CHN2: variants seen among roughly 807,000 people sequenced by gnomAD.
CHN2 encodes the protein beta-chimaerin.
Under a neutral mutation model 56.3 loss-of-function variants are expected in CHN2, and 35 were observed. The ratio of observed to expected loss-of-function variants is 0.62; its 90% CI spans 0.47 to 0.82. The LOEUF (loss-of-function observed/expected upper bound fraction) is 0.82, where lower values mean the gene tolerates loss of function less well. CHN2 is among the 40% of genes least tolerant of loss of function. CHN2 has a pLI of 0.00. For missense variants in CHN2, 491 were observed against 580.5 expected, an observed-to-expected ratio of 0.85 and a Z score of 1.58; for synonymous variants, 210 against 212.8, an observed-to-expected ratio of 0.99 and a Z score of 0.12.
At chr7:29,496,124 T>C in intron 8 of CHN2, 88 bp downstream of exon 8, 1 of 1,057,824 alleles carries the variant, frequency 9.5e-7, no homozygotes. Flanking sequence ...GGAAATGTGC[T>C]CAGATTAGCT....
At chr7:29,417,325 C>T (rs1279440513) in intron 6 of CHN2, among the ~76,000 whole-genome samples, 3 of 139,530 alleles carry the variant, frequency 2.2e-5, no homozygotes, top group Admixed American at 7.6e-5. Context: ...CATTTTTTTA[C>T]TGTAACCCTT....
chr7:29,266,486 A>G (rs7788882), intron 1 of CHN2, among the ~76,000 whole-genome samples: 8,081 of 152,214 alleles, frequency 0.053, 717 homozygotes, highest in African/African-American at 0.18. Flanking sequence ...TGTTATTCTA[A>G]TGTGTCGCAA....
Position 29,337,512 on chromosome 7 carries a change from T to C in CHN2, c.50-17113T>C, listed in dbSNP as rs565385990. 3.3e-5 allele frequency among the ~76,000 whole-genome samples: 5 copies of C among 152,334 alleles called. No individual in the cohort carries two copies. The South Asian group carries it at 6.2e-4, about 19-fold the overall frequency. On this transcript the variant is annotated intron_variant, in intron 1 of 12. Transcript: ENST00000222792. The stretch of plus-strand genomic sequence containing the variant: ...GGGGTCTATTCTTCTCACTCTGTTA[T>C]GTAATGTGAATACTTTCTCTTGCGG...
intron 1 of CHN2, among the ~76,000 whole-genome samples, chr7:29,345,361 GA>G (rs1425797091): frequency 5.3e-5 from 8 of 152,214 alleles, no homozygotes; most frequent in Non-Finnish European, 1.0e-4. Context: ...TTCGGATGGT[GA>G]AAAGGCTCTA....
chr7:29,157,365 T>C (rs183095046), intron 2 of CHN2, among the ~76,000 whole-genome samples: 2 of 152,230 alleles, frequency 1.3e-5, no homozygotes, highest in East Asian at 1.9e-4. Context: ...TTTAGGGCAC[T>C]ACATAGCTTG....
intron 2 of CHN2, among the ~76,000 whole-genome samples, chr7:29,357,829 A>G (rs1798421395): frequency 6.6e-6 from 1 of 152,226 alleles, no homozygotes; most frequent in Admixed American, 6.5e-5. Flanking sequence ...AGCTATCAGA[A>G]TATTGAATTT....
chr7:29,408,189 C>A (rs1264043712), intron 6 of CHN2, among the ~76,000 whole-genome samples: 5 of 144,034 alleles, frequency 3.5e-5, no homozygotes, highest in Admixed American at 6.9e-5. Context: ...GACTCAGTAT[C>A]AAAAAAAAAA....
At chr7:29,269,240 A>G (rs879111883) in intron 1 of CHN2, among the ~76,000 whole-genome samples, 3 of 151,462 alleles carry the variant, frequency 2.0e-5, no homozygotes, top group Admixed American at 6.6e-5. Flanking sequence ...CCATCATTCT[A>G]CTCTCTATCT....
chr7:29,317,782 A>C (rs989395472), intron 1 of CHN2, among the ~76,000 whole-genome samples: 4 of 152,106 alleles, frequency 2.6e-5, no homozygotes, highest in African/African-American at 9.7e-5. Flanking sequence ...TGAGCTCAGG[A>C]ATTCGAGGCC....
intron 7 of CHN2, among the ~76,000 whole-genome samples, chr7:29,486,219 C>G (rs1187836193): frequency 6.6e-6 from 1 of 152,178 alleles, no homozygotes; most frequent in Admixed American, 6.5e-5. Context: ...ACCCCAGTGT[C>G]TAGAACAAGT....
chr7:29,392,626 TC>T (rs1366996065), intron 3 of CHN2, among the ~76,000 whole-genome samples: 1 of 152,190 alleles, frequency 6.6e-6, no homozygotes. Context: ...GCTCCGCCTT[TC>T]TGAGCCTCTT....
intron 6 of CHN2, among the ~76,000 whole-genome samples, chr7:29,402,012 A>G (rs1395708271): frequency 6.6e-6 from 1 of 151,694 alleles, no homozygotes; most frequent in Non-Finnish European, 1.5e-5. Flanking sequence ...ATAAGCGGAT[A>G]GGAGCTACAG....
chr7:29,512,093 C>G (rs1197659760), intron 12 of CHN2, among the ~76,000 whole-genome samples: 2 of 152,090 alleles, frequency 1.3e-5, no homozygotes, highest in Non-Finnish European at 2.9e-5. Context: ...TAACCTTTCT[C>G]CTCTGGCACC....
chr7:29,315,234 G>A (rs1283936469), intron 1 of CHN2, among the ~76,000 whole-genome samples: 1 of 152,136 alleles, frequency 6.6e-6, no homozygotes, highest in Non-Finnish European at 1.5e-5. Flanking sequence ...ACTTTGTGAT[G>A]GTTATATGTG....
At chr7:29,305,819 TCTC>T (rs138186453) in intron 1 of CHN2, among the ~76,000 whole-genome samples, 7,030 of 124,694 alleles carry the variant, frequency 0.056, 218 homozygotes, top group African/African-American at 0.089. Context: ...TCCTCGTCTT[TCTC>T]CTCCTCCTCC....
At position 29,400,536 on chromosome 7, in the gene CHN2, C is replaced by A; in HGVS notation, c.291-7C>A. On this transcript the variant is annotated splice_region_variant and splice_polypyrimidine_tract_variant and intron_variant, in intron 5 of 12. Transcript: ENST00000222792. The stretch of plus-strand genomic sequence containing the variant: ...GTGGTTGTAATCCCTCATTCTCTCA[C>A]GGGCAGGTTTGGAAACCAGACCTTA... The A allele has an allele frequency of 6.2e-7, 1 of 1,612,930 alleles. No homozygotes were observed. The highest frequency in any genetic ancestry group is 8.5e-7 in the Non-Finnish European group (1 of 1,179,326).
chr7:29,243,834 A>G (rs39084), intron 1 of CHN2, among the ~76,000 whole-genome samples: 110,820 of 152,062 alleles, frequency 0.73, 41,219 homozygotes, highest in East Asian at 0.93. Context: ...TAAGTCTGAA[A>G]TTAATTACAG....
At chr7:29,412,957 T>A (rs1481168727) in intron 6 of CHN2, among the ~76,000 whole-genome samples, 1 of 152,290 alleles carries the variant, frequency 6.6e-6, no homozygotes, top group East Asian at 1.9e-4. Flanking sequence ...CCTGAATAAT[T>A]CCCATTGCCG....
At chr7:29,362,412 C>G (rs755538578) in intron 2 of CHN2, among the ~76,000 whole-genome samples, 2 of 152,118 alleles carry the variant, frequency 1.3e-5, no homozygotes, top group Non-Finnish European at 2.9e-5. Flanking sequence ...TGGTCTGTGC[C>G]CAGAAAAGGG....
Sources: gnomAD v4.1 joint callset for allele counts (sites outside exome capture counted in the v4.1 genomes callset) on GRCh38, gnomAD v4.1.1 for gene constraint, MANE v1.5 for transcripts, NCBI Gene and HGNC (gene_info 2026-07-23, HGNC 2026-07-21) for gene names.